MTMR8: variants seen among roughly 807,000 people sequenced by gnomAD.
MTMR8 encodes the protein myotubularin related protein 8.
A neutral mutation model predicts 39.3 loss-of-function variants in MTMR8; 65 were observed. The ratio of observed to expected loss-of-function variants is 1.65; its 90% CI spans 1.35 to 2.03. The LOEUF is 2.03. MTMR8 is among the 30% of genes most tolerant of loss of function. The pLI is 0.00. For missense variants in MTMR8, 777 were observed against 538.9 expected, an observed-to-expected ratio of 1.44 and a Z score of -4.37; for synonymous variants, 245 against 185.2, an observed-to-expected ratio of 1.32 and a Z score of -2.62.
chrX:64,360,390 CAAAAAA>C, intron 1 of MTMR8: 5 of 191,008 alleles, frequency 2.6e-5, no homozygotes, highest in East Asian at 3.1e-4. Flanking sequence ...TCAAGCAGAC[CAAAAAA>C]AAAAAAAAAA....
chrX:64,276,746 T>G (rs1489326158), intron 12 of MTMR8, among the ~76,000 whole-genome samples: 1 of 111,887 alleles, frequency 8.9e-6, no homozygotes. Flanking sequence ...CTGAGAAGAA[T>G]GTATATTCTG....
intron 1 of MTMR8, among the ~76,000 whole-genome samples, chrX:64,388,723 A>G (rs1490186783): frequency 8.9e-6 from 1 of 112,493 alleles, no homozygotes; most frequent in Non-Finnish European, 1.9e-5. Context: ...ATAGGCATGT[A>G]CACACATGCA....
intron 11 of MTMR8, chrX:64,331,306 C>A: frequency 2.7e-6 from 1 of 368,907 alleles, no homozygotes; most frequent in South Asian, 4.0e-5. Flanking sequence ...CTTGTACATC[C>A]ATTATTTTAC....
chrX:64,354,347 T>G (rs1192601626), intron 4 of MTMR8, among the ~76,000 whole-genome samples: 1 of 111,223 alleles, frequency 9.0e-6, no homozygotes, highest in Non-Finnish European at 1.9e-5. Flanking sequence ...TAAATACTTG[T>G]GGTGATGGAT....
chrX:64,381,312 T>C (rs762614309), intron 1 of MTMR8, among the ~76,000 whole-genome samples: 1 of 112,138 alleles, frequency 8.9e-6, no homozygotes, highest in African/African-American at 3.2e-5. Context: ...TGGTATCTCA[T>C]TGTGGTTTAA....
chrX:64,327,283 C>T (rs774027747), intron 12 of MTMR8, among the ~76,000 whole-genome samples: 2 of 111,697 alleles, frequency 1.8e-5, no homozygotes, highest in South Asian at 7.4e-4. Flanking sequence ...TTGCAAACTA[C>T]CCTTCTAAAA....
chrX:64,283,388 A>G (rs891765163), intron 12 of MTMR8, among the ~76,000 whole-genome samples: 1 of 111,703 alleles, frequency 9.0e-6, no homozygotes, highest in Non-Finnish European at 1.9e-5. Flanking sequence ...TGTACACTCC[A>G]CCTCTGGGGG....
chrX:64,317,924 C>T lies in MTMR8; in HGVS notation c.1481+10848G>A, dbSNP rs151209166. On this transcript the variant is annotated intron_variant, in intron 12 of 13. Coordinates refer to ENST00000374852, the MANE Select transcript of MTMR8 (RefSeq NM_017677.4). ...GTACTACTGGGTAGAAGTGGGGATT[C>T]AGGCCCCCCACTCAGTCTATGTTAA... Among the ~76,000 whole-genome samples the T allele has an allele frequency of 4.0e-3, 449 of 112,080 alleles. 2 individuals are homozygous for T. The highest frequency in any genetic ancestry group is 0.013 in the African/African-American group (415 of 30,845).
At chrX:64,348,889 G>T (rs1923413323) in intron 5 of MTMR8, 95 bp from the exon 6 acceptor site, 8 of 963,461 alleles carry the variant, frequency 8.3e-6, no homozygotes, top group Non-Finnish European at 1.0e-5. Flanking sequence ...AGAGGGAGAG[G>T]ATGAGCCAAC....
intron 12 of MTMR8, among the ~76,000 whole-genome samples, chrX:64,280,360 C>T (rs751040988): frequency 5.2e-4 from 58 of 111,718 alleles, no homozygotes; most frequent in African/African-American, 1.1e-3. Flanking sequence ...ACAATCAAGT[C>T]GGCTTCATCT....
At position 64,346,567 on chromosome X, in the gene MTMR8, G is replaced by A. The variant is rs137885854; in HGVS notation, c.733-1390C>T. Among the ~76,000 whole-genome samples, 159 of 109,953 alleles carry A rather than the reference G, an allele frequency of 1.4e-3. 4 individuals carry two copies. In the East Asian group the frequency reaches 0.045, roughly 31 times the overall value. On this transcript the variant is annotated intron_variant, in intron 6 of 13. Transcript: ENST00000374852. ...AATAATAATAATAATAATAATTACA[G>A]TAGTCACTACCCAGGCCTGGGTAGG... is the stretch of plus-strand genomic sequence containing the variant.
intron 5 of MTMR8, 135 bp from the exon 6 acceptor site, chrX:64,348,929 G>T: frequency 1.4e-6 from 1 of 693,890 alleles, no homozygotes; most frequent in Non-Finnish European, 2.1e-6. Flanking sequence ...AAAGAGAAAT[G>T]TGACTCTAAA....
intron 1 of MTMR8, among the ~76,000 whole-genome samples, chrX:64,393,631 A>T (rs1924748597): frequency 8.9e-6 from 1 of 111,895 alleles, no homozygotes; most frequent in Non-Finnish European, 1.9e-5. Flanking sequence ...CCTTTCCTTT[A>T]ATGGTACCAC....
intron 12 of MTMR8, among the ~76,000 whole-genome samples, chrX:64,314,686 G>T (rs1466028226): frequency 1.8e-5 from 2 of 112,880 alleles, no homozygotes; most frequent in Admixed American, 9.3e-5. Context: ...TGCTGGCCAG[G>T]CAGGGAAGAA....
chrX:64,360,107 G>A (rs922661629), intron 1 of MTMR8, among the ~76,000 whole-genome samples: 19 of 110,225 alleles, frequency 1.7e-4, no homozygotes, highest in African/African-American at 5.2e-4. Flanking sequence ...ACAATATTCA[G>A]ACTAGAAGAG....
At chrX:64,308,420 C>A (rs374083859) in intron 12 of MTMR8, among the ~76,000 whole-genome samples, 23 of 104,307 alleles carry the variant, frequency 2.2e-4, no homozygotes, top group Non-Finnish European at 4.3e-4. Flanking sequence ...CCACTGGACT[C>A]GGCCTCCCAA....
intron 8 of MTMR8, among the ~76,000 whole-genome samples, chrX:64,338,213 C>T (rs1923125334): frequency 1.8e-5 from 2 of 111,987 alleles, no homozygotes; most frequent in Admixed American, 9.5e-5. Context: ...TTCATTCATC[C>T]ACACACCTAG....
At chrX:64,270,834 A>G in intron 13 of MTMR8, 113 bp downstream of exon 13, 1 of 841,541 alleles carries the variant, frequency 1.2e-6, no homozygotes, top group Non-Finnish European at 1.6e-6. Context: ...GAAAAGCCAA[A>G]GAGTATAAAA....
At chrX:64,382,510 T>C (rs1232776713) in intron 1 of MTMR8, among the ~76,000 whole-genome samples, 1 of 111,462 alleles carries the variant, frequency 9.0e-6, no homozygotes, top group Non-Finnish European at 1.9e-5. Context: ...TGGGCTGATA[T>C]GATGGGGTTT....
Sources: allele counts gnomAD v4.1 joint callset (sites outside exome capture counted in the v4.1 genomes callset), GRCh38; gene constraint gnomAD v4.1.1; transcripts MANE v1.5; gene names NCBI Gene and HGNC (gene_info 2026-07-23, HGNC 2026-07-21).